The following CWC22 variants were observed in gnomAD, a reference collection of about 807,000 sequenced individuals.
CWC22 encodes pre-mRNA-splicing factor CWC22 homolog.
In CWC22, 53 loss-of-function variants were observed where a neutral mutation model predicts 117.2. That is an observed-to-expected ratio of 0.45 (90% CI 0.36 to 0.57). CWC22 has a LOEUF of 0.57. Ranked by LOEUF, CWC22 falls within the 20% of genes least tolerant of loss-of-function variation. The probability of loss-of-function intolerance (pLI) is 0.00; values close to 1 mark genes in which losing one functional copy is unlikely to be tolerated. For missense variants in CWC22, 980 were observed against 1,068.8 expected, an observed-to-expected ratio of 0.92 and a Z score of 1.16; for synonymous variants, 360 against 355.6, an observed-to-expected ratio of 1.01 and a Z score of -0.14.
chr2:179,965,982 T>C lies in CWC22; in HGVS notation c.1211A>G (p.Glu404Gly). The C allele has an allele frequency of 3.1e-6, 5 of 1,608,870 alleles. No individual in the cohort carries two copies. Among genetic ancestry groups the C allele is most frequent in the Non-Finnish European group, 4.2e-6 (5 of 1,177,128 alleles). Residue 404 changes from glutamate to glycine, a missense_variant and splice_region_variant, in exon 12 of 20, where the codon GAA (glutamate) becomes GGA (glycine). Glu to Gly is a moderately conservative substitution (Grantham distance 98). Transcript: ENST00000410053. ...GTCAGTATCTCCCTCATCAAGAATT[T>C]CTGTAAAGTACAAAGTAAGTTTAGG... ...NEEKYKAIKK[E>G]ILDEGDTDSN...
chr2:179,998,467 G>A (rs1687763885), intron 1 of CWC22, among the ~76,000 whole-genome samples: 2 of 151,882 alleles, frequency 1.3e-5, no homozygotes, highest in African/African-American at 2.4e-5. Context: ...ATTTGTCCAC[G>A]TAAATTACAC....
chr2:179,993,766 T>C (rs1264153025), intron 1 of CWC22, among the ~76,000 whole-genome samples: 1 of 152,066 alleles, frequency 6.6e-6, no homozygotes, highest in African/African-American at 2.4e-5. Context: ...GGGAGATACA[T>C]ACCTACATCA....
intron 19 of CWC22, among the ~76,000 whole-genome samples, chr2:179,946,961 A>G (rs16867113): frequency 0.02 from 2,982 of 152,276 alleles, 109 homozygotes; most frequent in African/African-American, 0.067. Context: ...AAACAATTTG[A>G]TTTTGCTGAT....
chr2:179,969,156 T>A (rs1249049595), intron 11 of CWC22, among the ~76,000 whole-genome samples: 2 of 152,058 alleles, frequency 1.3e-5, no homozygotes, highest in Non-Finnish European at 2.9e-5. Context: ...GATAGAGAAT[T>A]CTCAAGTTTA....
intron 1 of CWC22, among the ~76,000 whole-genome samples, chr2:179,997,540 T>C (rs1687738719): frequency 6.6e-6 from 1 of 152,178 alleles, no homozygotes; most frequent in Non-Finnish European, 1.5e-5. Flanking sequence ...TTTTAATGGC[T>C]ATAAAGGTAT....
At chr2:179,987,700 AT>A (rs5836702) in intron 3 of CWC22, among the ~76,000 whole-genome samples, 10,807 of 152,222 alleles carry the variant, frequency 0.071, 492 homozygotes, top group East Asian at 0.26. Flanking sequence ...TTCATAAATT[AT>A]TTTTAATGGG....
At chr2:179,954,473 G>C in intron 15 of CWC22, 116 bp from the exon 16 acceptor site, 1 of 626,490 alleles carries the variant, frequency 1.6e-6, no homozygotes, top group Non-Finnish European at 2.6e-6. Context: ...TTTTCAAAGA[G>C]CATATATCAC....
intron 7 of CWC22, 76 bp downstream of exon 7, chr2:179,973,558 C>G (rs943424234): frequency 1.1e-5 from 10 of 937,882 alleles, no homozygotes; most frequent in African/African-American, 3.4e-5. Context: ...CAAAATCAAC[C>G]TTGCTTACTT....
intron 5 of CWC22, 140 bp downstream of exon 5, chr2:179,981,604 GAGCTATAA>G (rs1687289750): frequency 2.9e-5 from 18 of 625,910 alleles, no homozygotes; most frequent in Non-Finnish European, 5.0e-5. Flanking sequence ...CTCTCCAATG[GAGCTATAA>G]AGTAAAGAGG....
At chr2:179,953,645 G>A (rs941323122) in intron 16 of CWC22, among the ~76,000 whole-genome samples, 1 of 151,994 alleles carries the variant, frequency 6.6e-6, no homozygotes, top group Non-Finnish European at 1.5e-5. Context: ...CTTAATGAAC[G>A]CCTTTCAAAT....
chr2:179,964,035 A>T (rs1395505362), intron 13 of CWC22, among the ~76,000 whole-genome samples: 2 of 152,166 alleles, frequency 1.3e-5, no homozygotes, highest in African/African-American at 2.4e-5. Context: ...ACATCACACT[A>T]CTTCTTACTT....
intron 13 of CWC22, among the ~76,000 whole-genome samples, chr2:179,962,258 A>G (rs1384568860): frequency 6.6e-6 from 1 of 152,180 alleles, no homozygotes; most frequent in Non-Finnish European, 1.5e-5. Context: ...TTTAAAAAAT[A>G]AAATTTCCAC....
chr2:179,971,194 G>T (rs1489626113), intron 8 of CWC22, 118 bp from the exon 9 acceptor site: 3 of 654,430 alleles, frequency 4.6e-6, no homozygotes, highest in Non-Finnish European at 7.0e-6. Flanking sequence ...ACATATGATG[G>T]GCAAAGTTTT....
chr2:179,991,538 A>G (rs1186073409), intron 2 of CWC22, among the ~76,000 whole-genome samples: 1 of 152,154 alleles, frequency 6.6e-6, no homozygotes, highest in Non-Finnish European at 1.5e-5. Context: ...TGGGGGAGAA[A>G]ATGCTACAGG....
At chr2:179,976,818 C>G (rs1028583271) in intron 6 of CWC22, among the ~76,000 whole-genome samples, 1 of 152,084 alleles carries the variant, frequency 6.6e-6, no homozygotes, top group African/African-American at 2.4e-5. Context: ...TAAATTAGTA[C>G]AGCCATTATG....
chr2:179,974,300 G>C (rs970233160), intron 6 of CWC22, among the ~76,000 whole-genome samples: 6 of 152,150 alleles, frequency 3.9e-5, no homozygotes, highest in Non-Finnish European at 8.8e-5. Flanking sequence ...TGAAGATGTG[G>C]AATACTCCTG....
At chr2:179,964,193 A>T (rs997254961) in intron 13 of CWC22, among the ~76,000 whole-genome samples, 1 of 152,230 alleles carries the variant, frequency 6.6e-6, no homozygotes, top group African/African-American at 2.4e-5. Context: ...ACCAAATTTT[A>T]AAAATGTTAA....
At chr2:179,978,688 A>T (rs997860298) in intron 5 of CWC22, among the ~76,000 whole-genome samples, 1 of 152,142 alleles carries the variant, frequency 6.6e-6, no homozygotes, top group African/African-American at 2.4e-5. Context: ...CTTTAAAATA[A>T]ATGCAATTAA....
At chr2:179,951,383 T>C (rs1252980704) in intron 17 of CWC22, among the ~76,000 whole-genome samples, 1 of 151,320 alleles carries the variant, frequency 6.6e-6, no homozygotes, top group Non-Finnish European at 1.5e-5. Flanking sequence ...AAGGGAGAAA[T>C]CAAGGATGAA....
Sources: gnomAD v4.1 joint callset for allele counts (sites outside exome capture counted in the v4.1 genomes callset) on GRCh38, gnomAD v4.1.1 for gene constraint, MANE v1.5 for transcripts, NCBI Gene and HGNC (gene_info 2026-07-23, HGNC 2026-07-21) for gene names.